The following P4HA1 variants were observed in gnomAD, a reference collection of about 807,000 sequenced individuals.
The protein encoded by P4HA1 is prolyl 4-hydroxylase subunit alpha 1, also known as prolyl 4-hydroxylase subunit alpha-1.
A neutral mutation model predicts 72.8 loss-of-function variants in P4HA1; 24 were observed. That is an observed-to-expected ratio of 0.33 (90% CI 0.24 to 0.46). The LOEUF (loss-of-function observed/expected upper bound fraction) is 0.46, where lower values mean the gene tolerates loss of function less well. Among genes scored for constraint, P4HA1 ranks in the 20% least tolerant of loss-of-function variants. The pLI, the probability that P4HA1 is intolerant of heterozygous loss-of-function variation, is 1.00. For missense variants in P4HA1, 446 were observed against 640.6 expected, an observed-to-expected ratio of 0.70 and a Z score of 3.28; for synonymous variants, 201 against 218.8, an observed-to-expected ratio of 0.92 and a Z score of 0.72.
At chr10:73,049,653 T>C (rs1216929866) in intron 7 of P4HA1, among the ~76,000 whole-genome samples, 3 of 152,282 alleles carry the variant, frequency 2.0e-5, no homozygotes, top group South Asian at 4.1e-4. Context: ...TAAATACATA[T>C]ACAATAAACA....
Position 73,068,971 on chromosome 10 carries a change from T to C in P4HA1, c.338A>G (p.Asn113Ser). The C allele has an allele frequency of 1.9e-6, 3 of 1,612,126 alleles. No individual in the cohort carries two copies. The highest frequency in any genetic ancestry group is 8.5e-7 in the Non-Finnish European group (1 of 1,178,514). ...LKDMSDGFIS[N>S]LTIQRQYFPN... ...AAAGTACTGTCTCTGAATGGTTAGGTTAGAGATAAAGCCTTGAAATAGATA... is the reference window on the plus strand; with the variant it reads ...AAAGTACTGTCTCTGAATGGTTAGGCTAGAGATAAAGCCTTGAAATAGATA... The change falls in exon 5 of 15, where the codon AAC becomes AGC. Residue 113 changes from asparagine to serine, a missense_variant. Transcript: ENST00000394890.
intron 5 of P4HA1, among the ~76,000 whole-genome samples, chr10:73,056,151 C>T (rs2133104603): frequency 6.6e-6 from 1 of 152,184 alleles, no homozygotes; most frequent in Admixed American, 6.5e-5. Flanking sequence ...TGGGGACCTT[C>T]CTGTATAAAA....
Position 73,073,762 on chromosome 10 carries a change from C to T in P4HA1, c.142G>A (p.Ala48Thr). 5 of 1,575,680 alleles carry T rather than the reference C, an allele frequency of 3.2e-6. No individual in the cohort carries two copies. Among genetic ancestry groups the T allele is most frequent in the Non-Finnish European group, 3.5e-6 (4 of 1,145,356 alleles). The change falls in exon 3 of 15, where the codon GCA becomes ACA. Residue 48 changes from alanine (A) to threonine (T), a missense_variant. By Grantham distance (58) the Ala-to-Thr change is moderately conservative (BLOSUM62 0). Coordinates refer to ENST00000394890, the MANE Select transcript of P4HA1 (RefSeq NM_001017962.3). The part of the protein sequence containing the change: ...LVTSLKDYIK[A>T]EEDKLEQIKK... Reference sequence around the variant, plus strand: ...ATTTGTTCTAACTTGTCCTCTTCTGCCTTAATATAATCTTTCAGAGAAGTC... The same window carrying T: ...ATTTGTTCTAACTTGTCCTCTTCTGTCTTAATATAATCTTTCAGAGAAGTC...
intron 14 of P4HA1, among the ~76,000 whole-genome samples, chr10:73,008,711 T>C (rs896304768): frequency 6.6e-6 from 1 of 152,160 alleles, no homozygotes; most frequent in Admixed American, 6.5e-5. Context: ...AACTTTGCAC[T>C]CTAAAGGAAC....
chr10:73,096,552 G>T (rs559563875), intron 1 of P4HA1, among the ~76,000 whole-genome samples: 5 of 152,242 alleles, frequency 3.3e-5, no homozygotes, highest in African/African-American at 1.2e-4. Context: ...AGGTGGGAAG[G>T]GGGGCACGAA....
chr10:73,008,679 T>C (rs1043745966), intron 14 of P4HA1, among the ~76,000 whole-genome samples: 1 of 152,104 alleles, frequency 6.6e-6, no homozygotes, highest in Non-Finnish European at 1.5e-5. Flanking sequence ...GCCTCCAAAA[T>C]ACAAAGACAA....
chr10:73,093,277 T>G (rs563982243), intron 1 of P4HA1, among the ~76,000 whole-genome samples: 262 of 152,238 alleles, frequency 1.7e-3, no homozygotes, highest in Middle Eastern at 6.8e-3. Flanking sequence ...TGATGACAAC[T>G]AGGTAAGAAG....
intron 8 of P4HA1, among the ~76,000 whole-genome samples, chr10:73,046,052 A>G (rs560437281): frequency 4.6e-5 from 7 of 152,030 alleles, no homozygotes; most frequent in African/African-American, 1.4e-4. Flanking sequence ...TTTTACTGTA[A>G]TATAGCCACA....
At chr10:73,082,888 G>A (rs904480762) in intron 1 of P4HA1, among the ~76,000 whole-genome samples, 1 of 106,664 alleles carries the variant, frequency 9.4e-6, no homozygotes, top group Non-Finnish European at 1.6e-5. Flanking sequence ...CCTTCATTCA[G>A]AAAGCAGCTT....
chr10:73,049,050 C>T lies in P4HA1; in HGVS notation c.901-1949G>A, dbSNP rs914968172. On this transcript the variant is annotated intron_variant, in intron 7 of 14. Transcript: ENST00000394890. ...TCAGGAGGCTGAGGCAGGAGAATGGCGTGAACCCAGGGGCCGAAATGGCGC... is the reference window on the plus strand; with the variant it reads ...TCAGGAGGCTGAGGCAGGAGAATGGTGTGAACCCAGGGGCCGAAATGGCGC... 2.6e-5 allele frequency among the ~76,000 whole-genome samples: 4 copies of T among 151,678 alleles called. No individual in the cohort carries two copies. In the East Asian group the frequency reaches 5.8e-4, roughly 22 times the overall value.
chr10:73,016,213 T>G (rs74614036), intron 11 of P4HA1, among the ~76,000 whole-genome samples: 7,684 of 152,242 alleles, frequency 0.05, 659 homozygotes, highest in African/African-American at 0.17. Context: ...TGATCACTCT[T>G]CCCTGACTTC....
chr10:73,028,903 G>T (rs1840364604), intron 10 of P4HA1, among the ~76,000 whole-genome samples: 1 of 151,014 alleles, frequency 6.6e-6, no homozygotes, highest in South Asian at 2.1e-4. Context: ...AAATTAGCTA[G>T]CCGTGGCGGC....
At position 73,026,004 on chromosome 10, in the gene P4HA1, C is replaced by A. The variant is rs552630803; in HGVS notation, c.1248+4267G>T. ...TTCCATGCTCATGGATAGGAAGAAT[C>A]AATATCGTGAAAATGGCCATACTGC... On this transcript the variant is annotated intron_variant, in intron 10 of 14. Coordinates refer to ENST00000394890, the MANE Select transcript of P4HA1 (RefSeq NM_001017962.3). Among the ~76,000 whole-genome samples the A allele has an allele frequency of 3.7e-3, 564 of 152,272 alleles. 4 individuals carry two copies. The highest frequency in any genetic ancestry group is 6.7e-3 in the Non-Finnish European group (454 of 68,030).
chr10:73,025,715 C>A (rs1216677449), intron 10 of P4HA1, among the ~76,000 whole-genome samples: 1 of 152,150 alleles, frequency 6.6e-6, no homozygotes, highest in African/African-American at 2.4e-5. Context: ...TAGAAAACCC[C>A]ATTGTCTCAG....
At chr10:73,038,012 T>C (rs1057102614) in intron 9 of P4HA1, among the ~76,000 whole-genome samples, 1 of 152,056 alleles carries the variant, frequency 6.6e-6, no homozygotes, top group African/African-American at 2.4e-5. Flanking sequence ...TCCCAGCACT[T>C]TGGGAGGCCA....
chr10:73,037,569 A>ATTT (rs1368544736), intron 9 of P4HA1, among the ~76,000 whole-genome samples: 5 of 26,726 alleles, frequency 1.9e-4, no homozygotes, highest in African/African-American at 4.4e-4. Context: ...ATATATATAT[A>ATTT]TATTTTTTTT....
chr10:73,080,268 A>G (rs1020393772), intron 1 of P4HA1, among the ~76,000 whole-genome samples: 1 of 152,240 alleles, frequency 6.6e-6, no homozygotes, highest in Non-Finnish European at 1.5e-5. Flanking sequence ...CCCAAGCTAG[A>G]TAATAAAAAT....
intron 9 of P4HA1, among the ~76,000 whole-genome samples, chr10:73,037,563 ATATATATATTTTT>A (rs1173401848): frequency 2.8e-4 from 9 of 32,554 alleles, no homozygotes; most frequent in African/African-American, 1.2e-3. Context: ...ATATATATAT[ATATATATATTTTT>A]TTTTTTTTTT....
At chr10:73,046,419 CT>C (rs1210886278) in intron 8 of P4HA1, among the ~76,000 whole-genome samples, 2 of 152,022 alleles carry the variant, frequency 1.3e-5, no homozygotes, top group South Asian at 4.1e-4. Flanking sequence ...GATTCTTTTT[CT>C]TTTTAAGATA....
Sources: gnomAD v4.1 joint callset for allele counts (sites outside exome capture counted in the v4.1 genomes callset) on GRCh38, gnomAD v4.1.1 for gene constraint, MANE v1.5 for transcripts, NCBI Gene and HGNC (gene_info 2026-07-23, HGNC 2026-07-21) for gene names.